The following OR2A5 variants were observed in gnomAD, a reference collection of about 807,000 sequenced individuals.
OR2A5 encodes the protein olfactory receptor family 2 subfamily A member 5, also known as olfactory receptor 2A5.
OR2A5 carries 2 observed loss-of-function variants against 1.9 expected under a neutral mutation model. That is an observed-to-expected ratio of 1.04 (90% confidence interval 0.43 to 3.28). The LOEUF (loss-of-function observed/expected upper bound fraction) is 3.28. Among genes scored for constraint, OR2A5 ranks in the 30% most tolerant of loss-of-function variants. The probability of loss-of-function intolerance (pLI) is 0.08; values close to 1 mark genes in which losing one functional copy is unlikely to be tolerated. For missense variants in OR2A5, 391 were observed against 375.9 expected (o/e 1.04, Z -0.33); for synonymous variants, 160 against 154.5 (o/e 1.04, Z -0.26).
rs1374956984 is a variant in OR2A5, at chr7:144,058,294, C to G, written c.*6957C>G. On this transcript the variant is annotated 3_prime_UTR_variant, in exon 2 of 2. Transcript: ENST00000641693. The stretch of plus-strand genomic sequence containing the variant: ...GATAATGATCTCTAGTTTCATCCAT[C>G]TTGTTGTAAAATACATAATTTCATA... 1 of 152,212 alleles carries G rather than the reference C, an allele frequency of 6.6e-6. No individual in the cohort carries two copies. Among genetic ancestry groups the G allele is most frequent in the African/African-American group, 2.4e-5 (1 of 41,442 alleles). 9.4% of individuals were successfully genotyped at this position (152,212 alleles called of 1,614,324 possible).
Position 144,058,411 on chromosome 7 carries a change from G to A in OR2A5, c.*7074G>A, listed in dbSNP as rs1349902907. 1 of 151,970 alleles carries A rather than the reference G, an allele frequency of 6.6e-6. No individual in the cohort carries two copies. The highest frequency in any genetic ancestry group is 1.5e-5 in the Non-Finnish European group (1 of 68,052). The allele number at this position is 151,970 out of a possible 1,614,324, so 9.4% of individuals were successfully genotyped here. A position where few individuals can be genotyped will look rare whatever the true frequency, so the allele number is the denominator to read the frequency against. ...TGATGGACACATGTTGTATTAGTCT[G>A]TTCTCATGCTGCTAATAAAGACATA... On this transcript the variant is annotated 3_prime_UTR_variant, in exon 2 of 2. Coordinates refer to ENST00000641693, the MANE Select transcript of OR2A5 (RefSeq NM_012365.2).
chr7:144,049,961 C>G (rs1214237905), intron 1 of OR2A5, among the ~76,000 whole-genome samples: 1 of 152,238 alleles, frequency 6.6e-6, no homozygotes, highest in African/African-American at 2.4e-5. Context: ...TAATTGAAAA[C>G]CAAATATGGA....
rs1172068113 is a variant in OR2A5 at position 144,057,040 on chromosome 7, T to G, written c.*5703T>G. ...TGTGTTAGCCAGGATGGTCTCGATC[T>G]GCTGACCTCGTGATCCACCCACCTC... On this transcript the variant is annotated 3_prime_UTR_variant, in exon 2 of 2. Coordinates refer to ENST00000641693, the MANE Select transcript of OR2A5 (RefSeq NM_012365.2). 1.3e-5 allele frequency: 2 copies of G among 152,032 alleles called. No individual in the cohort carries two copies. The highest frequency in any genetic ancestry group is 4.8e-5 in the African/African-American group (2 of 41,382). 9.4% of individuals were successfully genotyped at this position (152,032 alleles called of 1,614,324 possible). A position where few individuals can be genotyped will look rare whatever the true frequency, so the allele number is the denominator to read the frequency against.
At position 144,050,558 on chromosome 7, in the gene OR2A5, A is replaced by G. The variant is rs1489325736; in HGVS notation, c.157A>G (p.Arg53Gly). The change falls in exon 2 of 2, where the codon AGA becomes GGA. Residue 53 changes from arginine (R) to glycine (G), a missense_variant. By Grantham distance (125) the Arg-to-Gly change is moderately radical. Coordinates refer to ENST00000641693, the MANE Select transcript of OR2A5 (RefSeq NM_012365.2). ...CCTGGGGCTCATCTGGCTGGACTCCAGACTGCACACCCCCATGTACTTCTT... is the reference window on the plus strand; with the variant it reads ...CCTGGGGCTCATCTGGCTGGACTCCGGACTGCACACCCCCATGTACTTCTT... ...AILGLIWLDS[R>G]LHTPMYFFLS... 1 of 1,609,884 alleles carries G rather than the reference A, an allele frequency of 6.2e-7. No homozygotes were observed. Among genetic ancestry groups the G allele is most frequent in the Non-Finnish European group, 8.5e-7 (1 of 1,177,802 alleles).
rs998143202 is a variant in OR2A5 at position 144,057,235 on chromosome 7, A to G, written c.*5898A>G. Reference sequence around the variant, plus strand: ...ATTTTCCCAAAATGCAACAGAGACTATTTTTTAAGAAAATGGAATAAAAAG... The same window carrying G: ...ATTTTCCCAAAATGCAACAGAGACTGTTTTTTAAGAAAATGGAATAAAAAG... On this transcript the variant is annotated 3_prime_UTR_variant, in exon 2 of 2. Coordinates refer to ENST00000641693, the MANE Select transcript of OR2A5 (RefSeq NM_012365.2). 2 of 152,204 alleles carry G rather than the reference A, an allele frequency of 1.3e-5. No individual in the cohort carries two copies. Among genetic ancestry groups the G allele is most frequent in the African/African-American group, 4.8e-5 (2 of 41,452 alleles). The allele number at this position is 152,204 out of a possible 1,614,324, so 9.4% of individuals were successfully genotyped here. A position where few individuals can be genotyped will look rare whatever the true frequency, so the allele number is the denominator to read the frequency against.
At position 144,051,381 on chromosome 7, in the gene OR2A5, T is replaced by A. The variant is rs764811705; in HGVS notation, c.*44T>A. ...TAGAGGGTTGAAGATTTGCTCCCAA[T>A]GAGATTTGTAGGAACAGTGGTGTAA... On this transcript the variant is annotated 3_prime_UTR_variant, in exon 2 of 2. Transcript: ENST00000641693. 1.4e-6 allele frequency: 2 copies of A among 1,477,844 alleles called. No homozygotes were observed. The highest frequency in any genetic ancestry group is 1.4e-5 in the African/African-American group (1 of 71,502). The allele number at this position is 1,477,844 out of a possible 1,614,324, so 91.5% of individuals were successfully genotyped here. A position where few individuals can be genotyped will look rare whatever the true frequency, so the allele number is the denominator to read the frequency against.
chr7:144,051,272 A>C lies in OR2A5; in HGVS notation c.871A>C (p.Ser291Arg), dbSNP rs759157334. ...FNPMLNPLIY[S>R]LRNAEVKGAL... Reference sequence around the variant, plus strand: ...CCCGATGCTGAACCCCTTGATCTATAGCCTGAGGAACGCAGAGGTCAAGGG... The same window carrying C: ...CCCGATGCTGAACCCCTTGATCTATCGCCTGAGGAACGCAGAGGTCAAGGG... The change falls in exon 2 of 2, where the codon AGC becomes CGC. Residue 291 changes from serine (S) to arginine (R), a missense_variant. Physicochemically the swap from Ser to Arg is moderately radical, Grantham distance 110. Coordinates refer to ENST00000641693, the MANE Select transcript of OR2A5 (RefSeq NM_012365.2). The C allele has an allele frequency of 6.2e-7, 1 of 1,613,878 alleles. No homozygotes were observed. Among genetic ancestry groups the C allele is most frequent in the East Asian group, 2.2e-5 (1 of 44,874 alleles).
Position 144,050,395 on chromosome 7 carries a change from C to T in OR2A5, c.-7C>T. On this transcript the variant is annotated 5_prime_UTR_variant, in exon 2 of 2. Transcript: ENST00000641693. ...GCAGAGTCCAACGCAGGTACTGTCA[C>T]AAGGGCATGACAAAAAATCAGACAT... 2.0e-6 allele frequency: 3 copies of T among 1,527,862 alleles called. No individual in the cohort carries two copies. The highest frequency in any genetic ancestry group is 2.3e-5 in the East Asian group (1 of 44,380). The allele number at this position is 1,527,862 out of a possible 1,614,324, so 94.6% of individuals were successfully genotyped here.
chr7:144,050,823 GCA>G lies in OR2A5; in HGVS notation c.425_426del (p.Thr142SerfsTer31). ...TCTGTCATCATGAGATGGGGAGTGT[GCA>G]CAGTCCTGGCTGTCACTTCTTGGGC... On this transcript the variant is annotated frameshift_variant, in exon 2 of 2. Transcript: ENST00000641693. LOFTEE classifies it high-confidence loss of function. 6.2e-7 allele frequency: 1 copy of G among 1,614,206 alleles called. No homozygotes were observed. Among genetic ancestry groups the G allele is most frequent in the Non-Finnish European group, 8.5e-7 (1 of 1,180,042 alleles).
rs2050913317 is a variant in OR2A5 at position 144,052,419 on chromosome 7, TTC to T, written c.*1088_*1089del. ...ACATTGAGTATGGTACCTTTTGGAA[TTC>T]TCTCTTTTTTCTCTCAACCCTTGTA... is the stretch of plus-strand genomic sequence containing the variant. On this transcript the variant is annotated 3_prime_UTR_variant, in exon 2 of 2. Transcript: ENST00000641693. 1 of 152,186 alleles carries T rather than the reference TTC, an allele frequency of 6.6e-6. No homozygotes were observed. Among genetic ancestry groups the T allele is most frequent in the Non-Finnish European group, 1.5e-5 (1 of 68,046 alleles). The allele number at this position is 152,186 out of a possible 1,614,324, so 9.4% of individuals were successfully genotyped here.
chr7:144,049,786 A>T (rs1354972997), intron 1 of OR2A5, among the ~76,000 whole-genome samples: 1 of 152,240 alleles, frequency 6.6e-6, no homozygotes, highest in Non-Finnish European at 1.5e-5. Context: ...GAAGTAAAAC[A>T]TTTAATGCAA....
Position 144,050,835 on chromosome 7 carries a change from C to G in OR2A5, c.434C>G (p.Ala145Gly), listed in dbSNP as rs2050897431. 1 of 1,614,064 alleles carries G rather than the reference C, an allele frequency of 6.2e-7. No individual in the cohort carries two copies. The highest frequency in any genetic ancestry group is 8.5e-7 in the Non-Finnish European group (1 of 1,180,046). Residue 145 changes from alanine to glycine, a missense_variant, in exon 2 of 2, where the codon GCT becomes GGT. Physicochemically the swap from Ala to Gly is moderately conservative, Grantham distance 60 (BLOSUM62 0). Transcript: ENST00000641693. Reference sequence around the variant, plus strand: ...AGATGGGGAGTGTGCACAGTCCTGGCTGTCACTTCTTGGGCATGTGGTTCC... The same window carrying G: ...AGATGGGGAGTGTGCACAGTCCTGGGTGTCACTTCTTGGGCATGTGGTTCC... Reference protein sequence around the residue: ...IMRWGVCTVLAVTSWACGSLL... With the variant: ...IMRWGVCTVLGVTSWACGSLL...
At position 144,050,532 on chromosome 7, in the gene OR2A5, TC is replaced by T; in HGVS notation, c.133del (p.Leu45TrpfsTer37). 1 of 1,609,564 alleles carries T rather than the reference TC, an allele frequency of 6.2e-7. No homozygotes were observed. The highest frequency in any genetic ancestry group is 8.5e-7 in the Non-Finnish European group (1 of 1,177,626). ...YVFTLLGNGA[I>X]LGLIWLDSRL... The stretch of plus-strand genomic sequence containing the variant: ...TTCACCCTGCTGGGAAATGGGGCCA[TC>T]CTGGGGCTCATCTGGCTGGACTCCA... On this transcript the variant is annotated frameshift_variant, in exon 2 of 2. Transcript: ENST00000641693. LOFTEE classifies it low-confidence loss of function (END_TRUNC).
At chr7:144,049,371 C>G (rs931894456) in intron 1 of OR2A5, among the ~76,000 whole-genome samples, 1 of 152,210 alleles carries the variant, frequency 6.6e-6, no homozygotes, top group Non-Finnish European at 1.5e-5. Context: ...CTGGTTTCCC[C>G]TTTCTATAGC....
intron 1 of OR2A5, among the ~76,000 whole-genome samples, chr7:144,049,743 G>A (rs2050887210): frequency 6.6e-6 from 1 of 152,216 alleles, no homozygotes; most frequent in Admixed American, 6.5e-5. Context: ...TGCATGCAAA[G>A]GGAAACAGCC....
In OR2A5 at chr7:144,051,195, G is replaced by T; in HGVS notation, c.794G>T (p.Arg265Leu). The part of the protein sequence containing the change: ...AIVMYMAPKS[R>L]HPEEQQKVLS... ...GTCATGTACATGGCCCCCAAGTCCC[G>T]CCACCCTGAGGAGCAGCAGAAGGTC... Residue 265 changes from arginine (R) to leucine (L), a missense_variant, in exon 2 of 2, where the codon CGC becomes CTC. Arg to Leu is a moderately radical substitution (Grantham distance 102, BLOSUM62 -2). Transcript: ENST00000641693. 1.9e-6 allele frequency: 3 copies of T among 1,614,154 alleles called. No homozygotes were observed. The highest frequency in any genetic ancestry group is 1.1e-5 in the South Asian group (1 of 91,082).
rs1331925790 is a variant in OR2A5, at chr7:144,051,177, A to G, written c.776A>G (p.Tyr259Cys). 1 of 1,614,192 alleles carries G rather than the reference A, an allele frequency of 6.2e-7. No individual in the cohort carries two copies. The highest frequency in any genetic ancestry group is 1.1e-5 in the South Asian group (1 of 91,084). Residue 259 changes from tyrosine to cysteine, a missense_variant, in exon 2 of 2, where the codon TAC becomes TGC. Tyr to Cys is a radical substitution (Grantham distance 194). Coordinates refer to ENST00000641693, the MANE Select transcript of OR2A5 (RefSeq NM_012365.2). ...TTCTTTGGCAGCGCCATTGTCATGT[A>G]CATGGCCCCCAAGTCCCGCCACCCT... The part of the protein sequence containing the change: ...GLFFGSAIVM[Y>C]MAPKSRHPEE...
At position 144,050,978 on chromosome 7, in the gene OR2A5, T is replaced by C. The variant is rs969894061; in HGVS notation, c.577T>C (p.Trp193Arg). Reference sequence around the variant, plus strand: ...CCTCAAGTTGGCCTGTGCTGACACCTGGCTCAACCAGGTGGTCATCTTTGC... The same window carrying C: ...CCTCAAGTTGGCCTGTGCTGACACCCGGCTCAACCAGGTGGTCATCTTTGC... Reference protein sequence around the residue: ...SVLKLACADTWLNQVVIFAAS... With the variant: ...SVLKLACADTRLNQVVIFAAS... Residue 193 changes from tryptophan (W) to arginine (R), a missense_variant, in exon 2 of 2, where the codon TGG (tryptophan) becomes CGG (arginine). Transcript: ENST00000641693. 5.0e-6 allele frequency: 8 copies of C among 1,614,102 alleles called. No homozygotes were observed. In the African/African-American group the frequency reaches 1.1e-4, roughly 22 times the overall value.
Position 144,050,733 on chromosome 7 carries a change from A to T in OR2A5, c.332A>T (p.Glu111Val). ...TFLYMAFAHT[E>V]CLILVMMSYD... ...TTATACATGGCTTTTGCTCACACTG[A>T]GTGTCTCATCTTGGTAATGATGTCC... The change falls in exon 2 of 2, where the codon GAG (glutamate) becomes GTG (valine). Residue 111 changes from glutamate (E) to valine (V), a missense_variant. Physicochemically the swap from Glu to Val is moderately radical, Grantham distance 121. Coordinates refer to ENST00000641693, the MANE Select transcript of OR2A5 (RefSeq NM_012365.2). 2 of 1,613,972 alleles carry T rather than the reference A, an allele frequency of 1.2e-6. No individual in the cohort carries two copies. The highest frequency in any genetic ancestry group is 1.7e-6 in the Non-Finnish European group (2 of 1,179,992).
Sources: allele counts gnomAD v4.1 joint callset (sites outside exome capture counted in the v4.1 genomes callset), GRCh38; gene constraint gnomAD v4.1.1; transcripts MANE v1.5; gene names NCBI Gene and HGNC (gene_info 2026-07-23, HGNC 2026-07-21).